CLEC16A: variants seen among roughly 807,000 people sequenced by gnomAD.
CLEC16A encodes the protein protein CLEC16A.
In CLEC16A, 51 loss-of-function variants were observed where a neutral mutation model predicts 109.5. The ratio of observed to expected loss-of-function variants is 0.47; its 90% CI spans 0.37 to 0.59. CLEC16A has a LOEUF of 0.59. Ranked by LOEUF, CLEC16A falls within the 20% of genes least tolerant of loss-of-function variation. The probability of loss-of-function intolerance (pLI) is 0.00; values close to 1 mark genes in which losing one functional copy is unlikely to be tolerated. For synonymous variants in CLEC16A, 673 were observed against 564.2 expected (o/e 1.19, Z -2.73); for missense variants, 1,339 against 1,394.0 (o/e 0.96, Z 0.63).
chr16:10,946,029 C>T (rs1266440624), intron 1 of CLEC16A, among the ~76,000 whole-genome samples: 1 of 151,868 alleles, frequency 6.6e-6, no homozygotes, highest in Non-Finnish European at 1.5e-5. Flanking sequence ...AGGCCAGGAC[C>T]CAGGATTTGG....
chr16:11,173,195 C>G (rs1048935892), intron 23 of CLEC16A, among the ~76,000 whole-genome samples: 32 of 152,130 alleles, frequency 2.1e-4, no homozygotes, highest in African/African-American at 7.2e-4. Context: ...AGTAAGATAT[C>G]GTCCCTTTTC....
At chr16:11,097,192 ACTT>A (rs1160528045) in intron 19 of CLEC16A, among the ~76,000 whole-genome samples, 9 of 152,168 alleles carry the variant, frequency 5.9e-5, no homozygotes, top group Admixed American at 5.9e-4. Flanking sequence ...CAGCTGAAAG[ACTT>A]CTTTGCCAAT....
chr16:11,162,706 T>C (rs145358338), intron 22 of CLEC16A, among the ~76,000 whole-genome samples: 26 of 152,326 alleles, frequency 1.7e-4, no homozygotes, highest in Admixed American at 4.6e-4. Flanking sequence ...CTTACCAGCG[T>C]GTTGGTTGGC....
intron 1 of CLEC16A, among the ~76,000 whole-genome samples, chr16:10,956,989 G>A (rs1451312167): frequency 1.3e-5 from 2 of 152,118 alleles, no homozygotes; most frequent in African/African-American, 4.8e-5. Flanking sequence ...TAGAGACAGG[G>A]TTTCGCCATG....
intron 22 of CLEC16A, among the ~76,000 whole-genome samples, chr16:11,146,091 A>G (rs369646245): frequency 5.3e-5 from 8 of 152,184 alleles, no homozygotes; most frequent in Non-Finnish European, 8.8e-5. Context: ...CTGGGTACCT[A>G]TGTGGCTCTG....
Position 10,969,588 on chromosome 16 carries a change from A to T in CLEC16A, c.492+279A>T, listed in dbSNP as rs544941679. Reference sequence around the variant, plus strand: ...GCCTTGAACTTCCGGGGCACAAGCGATCCTCCTACCTTGGCCTCCCAAAGT... The same window carrying T: ...GCCTTGAACTTCCGGGGCACAAGCGTTCCTCCTACCTTGGCCTCCCAAAGT... On this transcript the variant is annotated intron_variant, in intron 4 of 23. Transcript: ENST00000409790. Among the ~76,000 whole-genome samples the T allele has an allele frequency of 9.6e-4, 146 of 152,302 alleles. 3 individuals are homozygous for T. Among genetic ancestry groups the T allele is most frequent in the Non-Finnish European group, 1.4e-3 (93 of 68,018 alleles).
chr16:10,976,421 G>A (rs180960815), intron 7 of CLEC16A, among the ~76,000 whole-genome samples: 19 of 151,806 alleles, frequency 1.3e-4, no homozygotes, highest in Admixed American at 7.8e-4. Context: ...CTACTACTAG[G>A]AGAGGTAAAA....
chr16:11,074,706 CT>C (rs1238774441), intron 19 of CLEC16A, among the ~76,000 whole-genome samples: 1 of 152,190 alleles, frequency 6.6e-6, no homozygotes, highest in African/African-American at 2.4e-5. Context: ...ACTGTGCCCT[CT>C]TTTGTTGTTG....
chr16:10,974,190 A>G (rs928311304), intron 7 of CLEC16A, among the ~76,000 whole-genome samples: 1 of 151,862 alleles, frequency 6.6e-6, no homozygotes, highest in South Asian at 2.1e-4. Flanking sequence ...GAGCCACTGT[A>G]CCCAGCCATA....
intron 20 of CLEC16A, among the ~76,000 whole-genome samples, chr16:11,122,211 C>G (rs138739910): frequency 1.8e-4 from 28 of 152,314 alleles, no homozygotes; most frequent in South Asian, 1.5e-3. Context: ...ACTGTTACAG[C>G]CTCTTCCCCA....
intron 7 of CLEC16A, among the ~76,000 whole-genome samples, chr16:10,976,340 T>A (rs1025512455): frequency 4.8e-5 from 4 of 84,130 alleles, no homozygotes; most frequent in Non-Finnish European, 8.7e-5. Flanking sequence ...ATTGATCTTG[T>A]TTTTACTTTT....
At chr16:11,121,878 TCAAAAAAAAA>T (rs1289121102) in intron 20 of CLEC16A, among the ~76,000 whole-genome samples, 1 of 30,134 alleles carries the variant, frequency 3.3e-5, no homozygotes, top group Non-Finnish European at 5.9e-5. Flanking sequence ...AGACCCTGTC[TCAAAAAAAAA>T]AAAAAAAAAA....
intron 23 of CLEC16A, among the ~76,000 whole-genome samples, chr16:11,167,321 G>A (rs535748642): frequency 5.3e-5 from 8 of 152,178 alleles, no homozygotes; most frequent in East Asian, 3.9e-4. Context: ...GCCATGGGTC[G>A]GGGGGTCACA....
At chr16:11,077,066 C>G (rs138464861) in intron 19 of CLEC16A, among the ~76,000 whole-genome samples, 2 of 152,166 alleles carry the variant, frequency 1.3e-5, no homozygotes, top group Non-Finnish European at 2.9e-5. Flanking sequence ...AGAGCAGGGC[C>G]GGGCACAGTG....
chr16:11,137,475 G>C (rs2053620976), intron 22 of CLEC16A, among the ~76,000 whole-genome samples: 1 of 151,798 alleles, frequency 6.6e-6, no homozygotes, highest in Admixed American at 6.6e-5. Context: ...TGAAATGCCA[G>C]CTGGGCGTGG....
At chr16:10,973,381 G>A (rs2042886177) in intron 7 of CLEC16A, among the ~76,000 whole-genome samples, 1 of 152,182 alleles carries the variant, frequency 6.6e-6, no homozygotes, top group Non-Finnish European at 1.5e-5. Flanking sequence ...TCTGTACGAT[G>A]GAATAGTGTT....
intron 11 of CLEC16A, among the ~76,000 whole-genome samples, chr16:11,007,762 C>T (rs182546331): frequency 6.6e-6 from 1 of 151,962 alleles, no homozygotes; most frequent in Non-Finnish European, 1.5e-5. Context: ...AGTAAGTGAG[C>T]TTAGTGAGTG....
At chr16:10,989,781 T>C (rs1000967139) in intron 10 of CLEC16A, among the ~76,000 whole-genome samples, 8 of 152,178 alleles carry the variant, frequency 5.3e-5, no homozygotes, top group Admixed American at 1.3e-4. Context: ...GTGGAGCCAG[T>C]GGCTAGGAAA....
At chr16:11,146,873 A>T (rs2054081680) in intron 22 of CLEC16A, among the ~76,000 whole-genome samples, 1 of 152,146 alleles carries the variant, frequency 6.6e-6, no homozygotes. Context: ...GTCAAACAAA[A>T]CACATCAGCC....
Sources: gnomAD v4.1 joint callset for allele counts (sites outside exome capture counted in the v4.1 genomes callset) on GRCh38, gnomAD v4.1.1 for gene constraint, MANE v1.5 for transcripts, NCBI Gene and HGNC (gene_info 2026-07-23, HGNC 2026-07-21) for gene names.